The following TF variants were observed in gnomAD, a reference collection of about 807,000 sequenced individuals.
TF encodes the protein transferrin.
A neutral mutation model predicts 82.4 loss-of-function variants in TF; 55 were observed. The observed-to-expected ratio is 0.67, with a 90% CI of 0.54 to 0.84. The LOEUF is 0.84. Among genes scored for constraint, TF ranks in the 40% least tolerant of loss-of-function variants. The probability of loss-of-function intolerance (pLI) is 0.00; values close to 1 mark genes in which losing one functional copy is unlikely to be tolerated. For missense variants in TF, 737 were observed against 868.4 expected (o/e 0.85, Z 1.90); for synonymous variants, 332 against 332.6 (o/e 1.00, Z 0.02).
chr3:133,728,063 C>G, the TF span, among the ~76,000 whole-genome samples: 3 of 152,206 alleles, frequency 2.0e-5, no homozygotes, highest in African/African-American at 4.8e-5. Flanking sequence ...GGTAACCCAA[C>G]CTTTCTCCCT....
At position 133,759,188 on chromosome 3, in the gene TF, A is replaced by G; in HGVS notation, c.1062A>G (p.Pro354=). 6.2e-7 allele frequency: 1 copy of G among 1,613,806 alleles called. No homozygotes were observed. The highest frequency in any genetic ancestry group is 8.5e-7 in the Non-Finnish European group (1 of 1,179,926). ...TTTATGCCATAGGCCCAGAAGCCCC[A>G]ACAGATGAATGCAAGCCTGTGAAGT... ...NLREGTCPEA[P]TDECKPVKWC... Residue 354 remains proline, a synonymous_variant, in exon 9 of 17, where the codon CCA becomes CCG. Coordinates refer to ENST00000402696, the MANE Select transcript of TF (RefSeq NM_001063.4).
At chr3:133,678,722 G>A in the TF span, among the ~76,000 whole-genome samples, 1,155 of 152,146 alleles carry the variant, frequency 7.6e-3, 10 homozygotes, top group African/African-American at 0.026. Context: ...GCTTTTTCTT[G>A]TAAATTTGTT....
chr3:133,702,641 T>A, the TF span, among the ~76,000 whole-genome samples: 1 of 151,792 alleles, frequency 6.6e-6, no homozygotes, highest in Non-Finnish European at 1.5e-5. Flanking sequence ...TGAATGATTT[T>A]ATTTATTTTA....
chr3:133,733,252 T>A, the TF span, among the ~76,000 whole-genome samples: 1 of 148,026 alleles, frequency 6.8e-6, no homozygotes, highest in African/African-American at 2.5e-5. Flanking sequence ...GCATCTACTA[T>A]CTCACCTGGG....
At chr3:133,725,872 G>T in the TF span, among the ~76,000 whole-genome samples, 1 of 152,178 alleles carries the variant, frequency 6.6e-6, no homozygotes, top group Non-Finnish European at 1.5e-5. Context: ...ATGAAGGGTT[G>T]TTGAATTTTG....
chr3:133,748,914 C>G lies in TF; in HGVS notation c.216+330C>G, dbSNP rs1297692039. Among the ~76,000 whole-genome samples, 3 of 152,234 alleles carry G rather than the reference C, an allele frequency of 2.0e-5. No homozygotes were observed. The South Asian group carries it at 6.2e-4, about 32-fold the overall frequency. On this transcript the variant is annotated intron_variant, in intron 2 of 16. Transcript: ENST00000402696. ...GTGGCTCATGCCTGAAATCCTAGCA[C>G]TTTGGGAGGCTGAGGCAGGTGGATC... is the stretch of plus-strand genomic sequence containing the variant.
chr3:133,780,568 G>A lies in TF; in HGVS notation c.*1948G>A, dbSNP rs1350550611. On this transcript the variant is annotated 3_prime_UTR_variant, in exon 17 of 17. Transcript: ENST00000402696. ...TAAAGTTAGGAACATGAAAAAAATT[G>A]ATTACTATCTATCTTATTTTACAGT... 1 of 152,022 alleles carries A rather than the reference G, an allele frequency of 6.6e-6. No homozygotes were observed. The highest frequency in any genetic ancestry group is 2.4e-5 in the African/African-American group (1 of 41,402). 9.4% of individuals were successfully genotyped at this position (152,022 alleles called of 1,614,324 possible). A position where few individuals can be genotyped will look rare whatever the true frequency, so the allele number is the denominator to read the frequency against.
Position 133,778,940 on chromosome 3 carries a change from G to A in TF, c.*320G>A. ...TGTGTGTGCCATGGCCACATCTCCT[G>A]GGTACAGTTCAAGGAGACATCTTTT... On this transcript the variant is annotated 3_prime_UTR_variant, in exon 17 of 17. Transcript: ENST00000402696. 2.9e-6 allele frequency: 1 copy of A among 349,738 alleles called. No individual in the cohort carries two copies. Among genetic ancestry groups the A allele is most frequent in the Non-Finnish European group, 5.5e-6 (1 of 181,982 alleles). The allele number at this position is 349,738 out of a possible 1,614,324, so 21.7% of individuals were successfully genotyped here. A position where few individuals can be genotyped will look rare whatever the true frequency, so the allele number is the denominator to read the frequency against.
At chr3:133,694,725 G>T in the TF span, among the ~76,000 whole-genome samples, 1 of 152,082 alleles carries the variant, frequency 6.6e-6, no homozygotes, top group Non-Finnish European at 1.5e-5. Context: ...TGCGTACCTC[G>T]CCCCATCTCC....
chr3:133,727,885 A>G, the TF span, among the ~76,000 whole-genome samples: 3 of 150,312 alleles, frequency 2.0e-5, no homozygotes, highest in African/African-American at 4.9e-5. Flanking sequence ...GCTTGTCTGT[A>G]AAGTATTTTA....
intron 2 of TF, among the ~76,000 whole-genome samples, chr3:133,753,388 C>T (rs1294234797): frequency 6.6e-6 from 1 of 152,222 alleles, no homozygotes; most frequent in Non-Finnish European, 1.5e-5. Flanking sequence ...CCATCACTCC[C>T]TCTATGCAGA....
intron 15 of TF, among the ~76,000 whole-genome samples, chr3:133,776,428 A>G (rs1412227244): frequency 1.3e-5 from 2 of 152,120 alleles, no homozygotes; most frequent in African/African-American, 2.4e-5. Flanking sequence ...TTGATTCACC[A>G]TTACCTTTTT....
chr3:133,742,436 A>G (rs889310771), upstream of TF, among the ~76,000 whole-genome samples: 2 of 152,028 alleles, frequency 1.3e-5, no homozygotes, highest in African/African-American at 2.4e-5. Flanking sequence ...GAGATAGAGA[A>G]AGGGAAAGAG....
At chr3:133,682,752 C>T in the TF span, among the ~76,000 whole-genome samples, 4 of 92,092 alleles carry the variant, frequency 4.3e-5, no homozygotes, top group African/African-American at 1.3e-4. Context: ...CTGAAAGTGA[C>T]GGGGAGTGGA....
chr3:133,689,804 AG>A, the TF span, among the ~76,000 whole-genome samples: 2 of 152,226 alleles, frequency 1.3e-5, no homozygotes, highest in African/African-American at 4.8e-5. Flanking sequence ...TTAGGGCACG[AG>A]GGTCCTAGGC....
At chr3:133,707,469 A>T in the TF span, 1 of 152,192 alleles carries the variant, frequency 6.6e-6, no homozygotes, top group Non-Finnish European at 1.5e-5. Flanking sequence ...CTGTGCTCAT[A>T]TCTGCACCTC....
the TF span, among the ~76,000 whole-genome samples, chr3:133,664,260 A>G: frequency 6.6e-6 from 1 of 152,222 alleles, no homozygotes; most frequent in African/African-American, 2.4e-5. Context: ...GGCCCCCTAC[A>G]GATAACAAAA....
chr3:133,677,990 C>T, the TF span, among the ~76,000 whole-genome samples: 64 of 152,268 alleles, frequency 4.2e-4, no homozygotes, highest in African/African-American at 1.5e-3. Flanking sequence ...AGGTTTTTCT[C>T]CTAATGCTAT....
Position 133,756,275 on chromosome 3 carries a change from G to A in TF, c.636-7G>A, listed in dbSNP as rs769566154. ...AGGAGCCCTGCTGATGTGTTTCTTT[G>A]ACCCAGGTGTCTGAAGGATGGTGCT... On this transcript the variant is annotated splice_polypyrimidine_tract_variant and splice_region_variant and intron_variant, in intron 5 of 16. Coordinates refer to ENST00000402696, the MANE Select transcript of TF (RefSeq NM_001063.4). 1.2e-6 allele frequency: 2 copies of A among 1,613,920 alleles called. No individual in the cohort carries two copies. The highest frequency in any genetic ancestry group is 4.5e-5 in the East Asian group (2 of 44,874).
Sources: allele counts gnomAD v4.1 joint callset (sites outside exome capture counted in the v4.1 genomes callset), GRCh38; gene constraint gnomAD v4.1.1; transcripts MANE v1.5; gene names NCBI Gene and HGNC (gene_info 2026-07-23, HGNC 2026-07-21).